The following METAP1 variants were observed in gnomAD, a reference collection of about 807,000 sequenced individuals.
METAP1 encodes the protein methionine aminopeptidase 1.
Under a neutral mutation model 53.8 loss-of-function variants are expected in METAP1, and 28 were observed. The ratio of observed to expected loss-of-function variants is 0.52; its 90% confidence interval spans 0.39 to 0.71. The LOEUF is 0.71. Ranked by LOEUF, METAP1 falls within the 30% of genes least tolerant of loss-of-function variation. The probability of loss-of-function intolerance (pLI) is 0.00; values close to 1 mark genes in which losing one functional copy is unlikely to be tolerated. For missense variants in METAP1, 389 were observed against 479.8 expected (o/e 0.81, Z 1.77); for synonymous variants, 181 against 165.7 (o/e 1.09, Z -0.71).
chr4:99,009,301 G>A (rs1418124061), intron 1 of METAP1, among the ~76,000 whole-genome samples: 1 of 152,252 alleles, frequency 6.6e-6, no homozygotes, highest in Middle Eastern at 3.4e-3. Context: ...CTACCTCTTG[G>A]TTATTGTAAA....
At chr4:99,051,514 C>T (rs538750581) in intron 9 of METAP1, among the ~76,000 whole-genome samples, 7 of 152,036 alleles carry the variant, frequency 4.6e-5, no homozygotes, top group African/African-American at 1.7e-4. Flanking sequence ...ACCTCAGCCT[C>T]CTGAGTAGCT....
At position 99,005,664 on chromosome 4, in the gene METAP1, C is replaced by G. The variant is rs148626275; in HGVS notation, c.114+9797C>G. On this transcript the variant is annotated intron_variant, in intron 1 of 10. Coordinates refer to ENST00000296411, the MANE Select transcript of METAP1 (RefSeq NM_015143.3). ...ATTTCACAATTGCAAAGATAGGGAA[C>G]CAACCTAAGTGTCAGCTGATGAGTG... 2.1e-3 allele frequency: 578 copies of G among 276,808 alleles called. 2 individuals carry two copies. The highest frequency in any genetic ancestry group is 0.01 in the African/African-American group (449 of 44,334). 17.1% of individuals were successfully genotyped at this position (276,808 alleles called of 1,614,324 possible).
At chr4:98,999,517 T>TC (rs1722819286) in intron 1 of METAP1, among the ~76,000 whole-genome samples, 1 of 142,306 alleles carries the variant, frequency 7.0e-6, no homozygotes, top group African/African-American at 2.7e-5. Flanking sequence ...AATTTTTTTT[T>TC]TTTTTTTTTT....
intron 5 of METAP1, among the ~76,000 whole-genome samples, chr4:99,040,659 T>C (rs1725790874): frequency 6.0e-5 from 1 of 16,568 alleles, no homozygotes; most frequent in Admixed American, 8.9e-4. Flanking sequence ...CCTGACTACT[T>C]TTTTTTTTTT....
intron 10 of METAP1, 30 bp from the exon 11 acceptor site, chr4:99,061,124 G>A (rs1252766956): frequency 1.3e-6 from 2 of 1,596,838 alleles, no homozygotes. Flanking sequence ...AAAACTGAGT[G>A]AACTAAGAAA....
intron 1 of METAP1, among the ~76,000 whole-genome samples, chr4:99,016,849 G>A (rs1723797122): frequency 6.6e-6 from 1 of 152,182 alleles, no homozygotes; most frequent in African/African-American, 2.4e-5. Context: ...TAGGGCCTGA[G>A]GGCCCCAGCA....
intron 8 of METAP1, among the ~76,000 whole-genome samples, chr4:99,045,627 A>G (rs1726164042): frequency 6.6e-6 from 1 of 152,220 alleles, no homozygotes; most frequent in Non-Finnish European, 1.5e-5. Flanking sequence ...TCCAGTACAT[A>G]AATATTATGT....
chr4:99,007,256 C>T lies in METAP1; in HGVS notation c.114+11389C>T, dbSNP rs1225054562. On this transcript the variant is annotated intron_variant, in intron 1 of 10. Transcript: ENST00000296411. ...ACAGGTGTGAGCCACTGCACCTGACCGTGAAACGCTGTTGACAAGACTCAT... is the reference window on the plus strand; with the variant it reads ...ACAGGTGTGAGCCACTGCACCTGACTGTGAAACGCTGTTGACAAGACTCAT... 2.0e-5 allele frequency among the ~76,000 whole-genome samples: 3 copies of T among 152,220 alleles called. No homozygotes were observed. In the East Asian group the frequency reaches 5.8e-4, roughly 29 times the overall value.
At position 99,045,248 on chromosome 4, in the gene METAP1, A is replaced by G. The variant is rs1176760844; in HGVS notation, c.725A>G (p.Asp242Gly). The G allele has an allele frequency of 6.2e-7, 1 of 1,613,844 alleles. No individual in the cohort carries two copies. Reference protein sequence around the residue: ...LNETFFVGEVDDGARKLVQTT... With the variant: ...LNETFFVGEVGDGARKLVQTT... ...GAGACATTTTTTGTTGGAGAAGTGG[A>G]TGATGGAGCACGGAAACTTGTTCAG... The change falls in exon 8 of 11, where the codon GAT (aspartate) becomes GGT (glycine). Residue 242 changes from aspartate to glycine, a missense_variant. Coordinates refer to ENST00000296411, the MANE Select transcript of METAP1 (RefSeq NM_015143.3).
At position 99,041,024 on chromosome 4, in the gene METAP1, G is replaced by A; in HGVS notation, c.433-19G>A. On this transcript the variant is annotated intron_variant, in intron 5 of 10. Transcript: ENST00000296411. ...GTTTCTGTGTCTTTTTTAATGTATTGAGTGTTCCTTTTTTACAGCTTGCTA... is the reference window on the plus strand; with the variant it reads ...GTTTCTGTGTCTTTTTTAATGTATTAAGTGTTCCTTTTTTACAGCTTGCTA... 2 of 1,585,742 alleles carry A rather than the reference G, an allele frequency of 1.3e-6. No individual in the cohort carries two copies. The highest frequency in any genetic ancestry group is 1.7e-6 in the Non-Finnish European group (2 of 1,158,816).
chr4:99,046,574 A>G (rs1312101284), intron 8 of METAP1, among the ~76,000 whole-genome samples: 1 of 152,182 alleles, frequency 6.6e-6, no homozygotes, highest in Non-Finnish European at 1.5e-5. Context: ...GATGTCATCA[A>G]CAGAATAGTG....
intron 10 of METAP1, among the ~76,000 whole-genome samples, chr4:99,060,916 T>C (rs755158817): frequency 6.6e-6 from 1 of 152,220 alleles, no homozygotes; most frequent in Non-Finnish European, 1.5e-5. Flanking sequence ...AGCGCCTTTA[T>C]TTTGGAAATT....
intron 1 of METAP1, among the ~76,000 whole-genome samples, chr4:99,015,423 T>C (rs558447082): frequency 6.6e-6 from 1 of 152,320 alleles, no homozygotes; most frequent in Non-Finnish European, 1.5e-5. Flanking sequence ...ACCGTAGAGA[T>C]GGCCGATAGC....
intron 1 of METAP1, among the ~76,000 whole-genome samples, chr4:99,001,888 A>G (rs891296433): frequency 1.3e-5 from 2 of 152,224 alleles, no homozygotes; most frequent in South Asian, 2.1e-4. Flanking sequence ...CTGGTCATCT[A>G]TGAAGTTTTG....
chr4:99,029,677 T>C (rs1450925060), intron 2 of METAP1, among the ~76,000 whole-genome samples: 1 of 152,184 alleles, frequency 6.6e-6, no homozygotes, highest in African/African-American at 2.4e-5. Context: ...TTGTTCTTGG[T>C]ATAAGGTTTC....
rs1278639150 is a variant in METAP1, at chr4:99,034,278, A to G, written c.215A>G (p.Asp72Gly). ...GTGTCTTCCTGGACTGTGGAAGGTG[A>G]TATTAATACTGACCCATGGGCAGGT... ...REVSSWTVEG[D>G]INTDPWAGYR... Residue 72 changes from aspartate (D) to glycine (G), a missense_variant, in exon 3 of 11, where the codon GAT (aspartate) becomes GGT (glycine). Coordinates refer to ENST00000296411, the MANE Select transcript of METAP1 (RefSeq NM_015143.3). 2 of 1,550,696 alleles carry G rather than the reference A, an allele frequency of 1.3e-6. No homozygotes were observed. The highest frequency in any genetic ancestry group is 2.7e-5 in the African/African-American group (2 of 73,002).
chr4:99,031,126 C>G (rs1045780428), intron 2 of METAP1, among the ~76,000 whole-genome samples: 1 of 58,568 alleles, frequency 1.7e-5, no homozygotes, highest in African/African-American at 5.9e-5. Context: ...TTTTTTTTTA[C>G]TTGTCATATA....
At chr4:99,057,478 A>G (rs1231031210) in intron 9 of METAP1, among the ~76,000 whole-genome samples, 3 of 152,220 alleles carry the variant, frequency 2.0e-5, no homozygotes, top group African/African-American at 7.2e-5. Context: ...TTTTCTTTTT[A>G]TAGAAGTGAT....
At chr4:99,061,037 T>G in intron 10 of METAP1, 117 bp from the exon 11 acceptor site, 1 of 1,090,154 alleles carries the variant, frequency 9.2e-7, no homozygotes, top group Non-Finnish European at 1.3e-6. Flanking sequence ...AGGCATTAGC[T>G]AAAACAATTG....
Sources: gnomAD v4.1 joint callset for allele counts (sites outside exome capture counted in the v4.1 genomes callset) on GRCh38, gnomAD v4.1.1 for gene constraint, MANE v1.5 for transcripts, NCBI Gene and HGNC (gene_info 2026-07-23, HGNC 2026-07-21) for gene names.